Variants in ABCA10 observed in about 807,000 individuals in gnomAD.
ABCA10 encodes ATP binding cassette subfamily A member 10.
ABCA10 carries 169 observed loss-of-function variants against 187.5 expected under a neutral mutation model. The observed-to-expected ratio is 0.90, with a 90% confidence interval of 0.80 to 1.02. ABCA10 has a LOEUF of 1.02. ABCA10 is among the 50% of genes least tolerant of loss of function. ABCA10 has a pLI of 0.00. For missense variants in ABCA10, 1,727 were observed against 1,812.4 expected (o/e 0.95, Z 0.86); for synonymous variants, 574 against 601.8 (o/e 0.95, Z 0.68).
intron 31 of ABCA10, 97 bp downstream of exon 31, chr17:69,154,138 T>A (rs928298431): frequency 1.0e-5 from 15 of 1,430,480 alleles, no homozygotes; most frequent in Non-Finnish European, 1.4e-5. Context: ...TATAAATTCT[T>A]TCATCTATTT....
chr17:69,155,868 A>T lies in ABCA10; in HGVS notation c.3513T>A (p.Asp1171Glu). 1 of 1,613,766 alleles carries T rather than the reference A, an allele frequency of 6.2e-7. No homozygotes were observed. The highest frequency in any genetic ancestry group is 1.1e-5 in the South Asian group (1 of 91,072). ...HPNPEEPEEE[D>E]EDVQAERVQA... is the part of the protein sequence containing the mutation. ...GGACTCTTTCAGCTTGAACATCTTC[A>T]TCTTCTTCTTCGGGCTCTTCCGGAT... is the stretch of plus-strand genomic sequence containing the variant. The change falls in exon 29 of 39, where the codon GAT becomes GAA. Residue 1171 changes from aspartate (D) to glutamate (E), a missense_variant. By Grantham distance (45) the Asp-to-Glu change is conservative. Transcript: ENST00000690296.
intron 25 of ABCA10, among the ~76,000 whole-genome samples, chr17:69,173,564 A>G (rs1307479578): frequency 6.6e-6 from 1 of 152,164 alleles, no homozygotes; most frequent in Non-Finnish European, 1.5e-5. Context: ...CTGATCCCCA[A>G]ACTAAGGGCG....
chr17:69,216,455 G>T, intron 6 of ABCA10, 97 bp from the exon 7 acceptor site: 1 of 1,343,924 alleles, frequency 7.4e-7, no homozygotes, highest in South Asian at 1.7e-5. Context: ...CTGAAATCAG[G>T]ACTAAATTTA....
intron 2 of ABCA10, 127 bp downstream of exon 2, chr17:69,227,018 C>A (rs1265588821): frequency 6.6e-6 from 1 of 150,970 alleles, no homozygotes; most frequent in African/African-American, 2.4e-5. Flanking sequence ...CTCAAATCAA[C>A]TAGCCAGTAT....
At chr17:69,220,419 A>G (rs1042129485) in intron 5 of ABCA10, among the ~76,000 whole-genome samples, 1 of 152,218 alleles carries the variant, frequency 6.6e-6, no homozygotes. Flanking sequence ...GCAAGATATG[A>G]TAAAGATGTG....
chr17:69,177,047 T>C (rs1446120267), intron 22 of ABCA10, among the ~76,000 whole-genome samples: 1 of 152,186 alleles, frequency 6.6e-6, no homozygotes, highest in Non-Finnish European at 1.5e-5. Context: ...TTCATCCTAA[T>C]GATTCCCAAA....
chr17:69,236,824 G>A (rs1410021255), intron 1 of ABCA10, among the ~76,000 whole-genome samples: 1 of 150,746 alleles, frequency 6.6e-6, no homozygotes, highest in Non-Finnish European at 1.5e-5. Context: ...CTGGTGGGAA[G>A]AGGCTAAGAA....
chr17:69,197,300 G>T (rs996230870), intron 10 of ABCA10, among the ~76,000 whole-genome samples, 178 bp from the exon 11 acceptor site: 1 of 151,584 alleles, frequency 6.6e-6, no homozygotes, highest in Non-Finnish European at 1.5e-5. Context: ...ACACAGACCT[G>T]CTAATACTCT....
At chr17:69,226,204 G>A (rs1453642411) in intron 2 of ABCA10, among the ~76,000 whole-genome samples, 2 of 151,996 alleles carry the variant, frequency 1.3e-5, no homozygotes, top group East Asian at 3.9e-4. Flanking sequence ...GGGAAGAAGA[G>A]GAGACAGAGA....
rs1341359064 is a variant in ABCA10 at position 69,153,365 on chromosome 17, G to A, written c.4076C>T (p.Ser1359Leu). The A allele has an allele frequency of 8.7e-6, 14 of 1,613,736 alleles. No individual in the cohort carries two copies. Among genetic ancestry groups the A allele is most frequent in the Non-Finnish European group, 1.2e-5 (14 of 1,179,800 alleles). The change falls in exon 34 of 39, where the codon TCA becomes TTA. Residue 1359 changes from serine to leucine, a missense_variant. Coordinates refer to ENST00000690296, the MANE Select transcript of ABCA10 (RefSeq NM_001377321.1). The stretch of plus-strand genomic sequence containing the variant: ...GAACGGCTCATCTAGAAGCACCACT[G>A]ATGGGTTCCCCAGGATGCTCAGCAC... ...CFVLSILGNP[S>L]VVLLDEPFTG...
At chr17:69,174,440 T>C (rs770798791) in intron 24 of ABCA10, 46 bp from the exon 25 acceptor site, 9 of 1,512,806 alleles carry the variant, frequency 5.9e-6, no homozygotes, top group South Asian at 4.9e-5. Context: ...TGGCAGGTCA[T>C]AGAGGGAAAG....
In ABCA10 at chr17:69,209,915, T is replaced by C. The variant is rs1368408471; in HGVS notation, c.1006+4789A>G. Among the ~76,000 whole-genome samples the C allele has an allele frequency of 5.3e-5, 8 of 152,230 alleles. No individual in the cohort carries two copies. In the East Asian group the frequency reaches 1.2e-3, roughly 22 times the overall value. ...ACATAGAAAAGGTACAGTAAAAATA[T>C]GGGATTATGATCTTCTGTGACCACT... On this transcript the variant is annotated intron_variant, in intron 9 of 38. Transcript: ENST00000690296.
Position 69,187,730 on chromosome 17 carries a change from T to G in ABCA10, c.2281A>C (p.Thr761Pro). 1 of 1,613,876 alleles carries G rather than the reference T, an allele frequency of 6.2e-7. No individual in the cohort carries two copies. Among genetic ancestry groups the G allele is most frequent in the Non-Finnish European group, 8.5e-7 (1 of 1,179,768 alleles). The change falls in exon 19 of 39, where the codon ACA becomes CCA. Residue 761 changes from threonine to proline, a missense_variant. Thr to Pro is a conservative substitution (Grantham distance 38). Transcript: ENST00000690296. ...CGCCTTAACTTTAAGAAGCGAAGTG[T>G]TGCCACTGCATAGATTTGTCGTCTC... is the stretch of plus-strand genomic sequence containing the variant. ...LWRRQIYAVATLRFLKLRRER... is the reference protein window; with the variant it reads ...LWRRQIYAVAPLRFLKLRRER...
chr17:69,158,400 G>A (rs1014204621), intron 27 of ABCA10, among the ~76,000 whole-genome samples: 3 of 151,792 alleles, frequency 2.0e-5, no homozygotes, highest in Non-Finnish European at 2.9e-5. Context: ...ACTGATATAA[G>A]ATAATTGTAC....
At chr17:69,179,676 C>T (rs2074364232) in intron 22 of ABCA10, among the ~76,000 whole-genome samples, 1 of 152,156 alleles carries the variant, frequency 6.6e-6, no homozygotes, top group African/African-American at 2.4e-5. Flanking sequence ...GAGGTCAACC[C>T]ATGCTACTTT....
intron 28 of ABCA10, 42 bp downstream of exon 28, chr17:69,156,786 CTAAA>C: frequency 8.7e-7 from 1 of 1,146,820 alleles, no homozygotes; most frequent in Admixed American, 3.4e-5. Flanking sequence ...TTTAAAAAGA[CTAAA>C]TATTTAGATT....
intron 22 of ABCA10, among the ~76,000 whole-genome samples, chr17:69,176,629 C>A (rs903295577): frequency 3.3e-5 from 5 of 151,930 alleles, no homozygotes; most frequent in African/African-American, 1.2e-4. Flanking sequence ...CCCAGTATCA[C>A]CCCTGGGAAA....
chr17:69,198,818 A>G (rs2074523765), intron 10 of ABCA10, among the ~76,000 whole-genome samples: 1 of 152,104 alleles, frequency 6.6e-6, no homozygotes, highest in Non-Finnish European at 1.5e-5. Flanking sequence ...CAGTTGTGTC[A>G]CCCTCAAATC....
intron 2 of ABCA10, among the ~76,000 whole-genome samples, chr17:69,226,529 A>T (rs1469263345): frequency 6.6e-6 from 1 of 152,038 alleles, no homozygotes; most frequent in African/African-American, 2.4e-5. Flanking sequence ...ATAGTAACAC[A>T]AAGCAATGTC....
Sources: allele counts gnomAD v4.1 joint callset (sites outside exome capture counted in the v4.1 genomes callset), GRCh38; gene constraint gnomAD v4.1.1; transcripts MANE v1.5; gene names NCBI Gene and HGNC (gene_info 2026-07-23, HGNC 2026-07-21).